ASTN2: variants seen among roughly 807,000 people sequenced by gnomAD.
The protein encoded by ASTN2 is astrotactin 2, also known as astrotactin-2.
A neutral mutation model predicts 139.8 loss-of-function variants in ASTN2; 54 were observed. The ratio of observed to expected loss-of-function variants is 0.39; its 90% CI spans 0.31 to 0.48. ASTN2 has a LOEUF of 0.48. Among genes scored for constraint, ASTN2 ranks in the 20% least tolerant of loss-of-function variants. The pLI is 0.95. For missense variants in ASTN2, 1,565 were observed against 1,725.1 expected, an observed-to-expected ratio of 0.91 and a Z score of 1.64; for synonymous variants, 756 against 719.5, an observed-to-expected ratio of 1.05 and a Z score of -0.81.
intron 16 of ASTN2, among the ~76,000 whole-genome samples, chr9:116,664,989 T>C (rs1397601066): frequency 6.6e-6 from 1 of 152,180 alleles, no homozygotes; most frequent in Non-Finnish European, 1.5e-5. Flanking sequence ...CTCCCTGTGA[T>C]AATGAGTTAC....
chr9:117,294,970 C>T (rs1834692315), intron 1 of ASTN2, among the ~76,000 whole-genome samples: 1 of 152,212 alleles, frequency 6.6e-6, no homozygotes, highest in South Asian at 2.1e-4. Flanking sequence ...GTCCTCTTCA[C>T]ACACATCCAA....
chr9:116,460,359 TA>T (rs1228791335), intron 20 of ASTN2, among the ~76,000 whole-genome samples: 3 of 152,128 alleles, frequency 2.0e-5, no homozygotes, highest in African/African-American at 7.2e-5. Context: ...ATCTATAACA[TA>T]AAATCCACTG....
chr9:117,287,944 T>C (rs1470434651), intron 2 of ASTN2, among the ~76,000 whole-genome samples: 2 of 152,200 alleles, frequency 1.3e-5, no homozygotes, highest in African/African-American at 4.8e-5. Context: ...TGATCAGTTT[T>C]GTTTCATACA....
At chr9:117,058,831 C>T (rs1290354567) in intron 5 of ASTN2, among the ~76,000 whole-genome samples, 1 of 152,142 alleles carries the variant, frequency 6.6e-6, no homozygotes, top group East Asian at 1.9e-4. Flanking sequence ...CCAGAAAGAC[C>T]TTTTTCAGAA....
At chr9:117,214,791 C>T (rs372142402) in intron 2 of ASTN2, 49 bp from the exon 3 acceptor site, 93 of 1,425,412 alleles carry the variant, frequency 6.5e-5, no homozygotes, top group Non-Finnish European at 8.4e-5. Flanking sequence ...TCTTTGGAAT[C>T]GAGGGCTGCA....
chr9:116,501,535 C>T (rs1008871349), intron 19 of ASTN2, among the ~76,000 whole-genome samples: 21 of 152,090 alleles, frequency 1.4e-4, no homozygotes, highest in Admixed American at 3.3e-4. Flanking sequence ...CCTGAGGAAT[C>T]GCCACACTGA....
Position 117,071,290 on chromosome 9 carries a change from C to T in ASTN2, c.1276+24754G>A, listed in dbSNP as rs929865206. The stretch of plus-strand genomic sequence containing the variant: ...CTGCCGTGTGAGGTGTCAGTGTGCC[C>T]CTGCTGGGGGGTGCCTCCCAGTTAG... On this transcript the variant is annotated intron_variant, in intron 5 of 22. Coordinates refer to ENST00000313400, the MANE Select transcript of ASTN2 (RefSeq NM_001365068.1). Among the ~76,000 whole-genome samples, 355 of 151,460 alleles carry T rather than the reference C, an allele frequency of 2.3e-3. 1 individual carries two copies. The highest frequency in any genetic ancestry group is 3.2e-3 in the Non-Finnish European group (215 of 67,694).
chr9:116,692,730 C>G (rs926228564), intron 16 of ASTN2, among the ~76,000 whole-genome samples: 4 of 152,110 alleles, frequency 2.6e-5, no homozygotes, highest in African/African-American at 9.7e-5. Context: ...ATTTCCCTCT[C>G]CTGGTCTTAG....
intron 16 of ASTN2, among the ~76,000 whole-genome samples, chr9:116,708,089 T>C (rs920994749): frequency 3.3e-5 from 5 of 151,950 alleles, no homozygotes; most frequent in African/African-American, 1.2e-4. Flanking sequence ...CCCTCCTCCG[T>C]TAGTTAAAAT....
At chr9:116,912,516 T>A (rs1834342141) in intron 10 of ASTN2, among the ~76,000 whole-genome samples, 1 of 152,260 alleles carries the variant, frequency 6.6e-6, no homozygotes, top group Admixed American at 6.5e-5. Context: ...AGTTGAATTT[T>A]AAATAATTCA....
intron 3 of ASTN2, among the ~76,000 whole-genome samples, chr9:117,189,565 C>A (rs138721165): frequency 6.6e-6 from 1 of 152,156 alleles, no homozygotes; most frequent in Non-Finnish European, 1.5e-5. Context: ...GCTTCCATTT[C>A]TTGAGTCAAA....
chr9:117,234,809 C>T (rs1832997405), intron 2 of ASTN2, among the ~76,000 whole-genome samples: 1 of 152,054 alleles, frequency 6.6e-6, no homozygotes, highest in Non-Finnish European at 1.5e-5. Context: ...AGAACCTGGC[C>T]CCTTGGTGGC....
intron 12 of ASTN2, among the ~76,000 whole-genome samples, chr9:116,813,974 T>G (rs1831236489): frequency 6.7e-6 from 1 of 148,294 alleles, no homozygotes; most frequent in Non-Finnish European, 1.5e-5. Context: ...AGGAGGTGGT[T>G]GCGGTGAACT....
chr9:117,355,643 G>A lies in ASTN2; in HGVS notation c.442+58854C>T, dbSNP rs151329078. ...CTCAAGATTCCTGGGTACCAGAGCC[G>A]GATGGGGAGAGACAGAATGGACTCT... On this transcript the variant is annotated intron_variant, in intron 1 of 22. Transcript: ENST00000313400. Among the ~76,000 whole-genome samples the A allele has an allele frequency of 1.9e-3, 290 of 152,262 alleles. 1 individual carries two copies. The highest frequency in any genetic ancestry group is 6.3e-3 in the African/African-American group (263 of 41,546).
rs533566360 is a variant in ASTN2 at position 116,581,245 on chromosome 9, A to G, written c.3355+37079T>C. ...TCAAGCTTGTCTCAGCTGGATGGCA[A>G]CATGGCATTTTGGAAGGGGAGTGGC... On this transcript the variant is annotated intron_variant, in intron 19 of 22. Transcript: ENST00000313400. Among the ~76,000 whole-genome samples the G allele has an allele frequency of 8.5e-5, 13 of 152,258 alleles. No homozygotes were observed. In the East Asian group the frequency reaches 2.5e-3, roughly 29 times the overall value.
chr9:116,586,835 C>CACACACACAT (rs372375682), intron 19 of ASTN2, among the ~76,000 whole-genome samples: 16,377 of 143,564 alleles, frequency 0.11, 1,208 homozygotes, highest in Non-Finnish European at 0.17. Context: ...CATACATACA[C>CACACACACAT]ACACACACAC....
intron 13 of ASTN2, among the ~76,000 whole-genome samples, chr9:116,768,472 G>A (rs1235286058): frequency 6.6e-6 from 1 of 152,064 alleles, no homozygotes; most frequent in Admixed American, 6.5e-5. Flanking sequence ...CTGACTTTTT[G>A]TTTTCTTGTC....
At chr9:116,571,741 G>A (rs1051245160) in intron 19 of ASTN2, among the ~76,000 whole-genome samples, 6 of 152,106 alleles carry the variant, frequency 3.9e-5, no homozygotes, top group East Asian at 1.9e-4. Flanking sequence ...TTGTCTGTGC[G>A]TGGCATGCTA....
intron 4 of ASTN2, 61 bp downstream of exon 4, chr9:117,141,265 C>T (rs1830068025): frequency 3.7e-6 from 5 of 1,343,150 alleles, no homozygotes; most frequent in African/African-American, 3.0e-5. Context: ...ATCTCCCTAG[C>T]ATCTTTGGAA....
Sources: allele counts gnomAD v4.1 joint callset (sites outside exome capture counted in the v4.1 genomes callset), GRCh38; gene constraint gnomAD v4.1.1; transcripts MANE v1.5; gene names NCBI Gene and HGNC (gene_info 2026-07-23, HGNC 2026-07-21).